The following NEGR1 variants were observed in gnomAD, a reference collection of about 807,000 sequenced individuals.
NEGR1 encodes the protein IgLON family member 4.
A neutral mutation model predicts 40.9 loss-of-function variants in NEGR1; 10 were observed. That is an observed-to-expected ratio of 0.24 (90% confidence interval 0.15 to 0.42). The LOEUF (loss-of-function observed/expected upper bound fraction) is 0.42, where lower values mean the gene tolerates loss of function less well. Among genes scored for constraint, NEGR1 ranks in the 10% least tolerant of loss-of-function variants. The pLI, the probability that NEGR1 is intolerant of heterozygous loss-of-function variation, is 1.00. For missense variants in NEGR1, 352 were observed against 438.9 expected, an observed-to-expected ratio of 0.80 and a Z score of 1.77; for synonymous variants, 185 against 166.8, an observed-to-expected ratio of 1.11 and a Z score of -0.84.
rs186925839 is a variant in NEGR1, at chr1:71,614,534, A to G, written c.668-3388T>C. Among the ~76,000 whole-genome samples, 3 of 152,292 alleles carry G rather than the reference A, an allele frequency of 2.0e-5. No homozygotes were observed. In the East Asian group the frequency reaches 5.8e-4, roughly 29 times the overall value. On this transcript the variant is annotated intron_variant, in intron 4 of 6. Coordinates refer to ENST00000357731, the MANE Select transcript of NEGR1 (RefSeq NM_173808.3). ...CAGGTACAGGTAAGATTGTATTTTC[A>G]CTATTGTTCTCATAGGCTTTAATCT...
chr1:71,662,072 G>A (rs1652075337), intron 4 of NEGR1, among the ~76,000 whole-genome samples: 1 of 152,196 alleles, frequency 6.6e-6, no homozygotes, highest in Non-Finnish European at 1.5e-5. Flanking sequence ...TTTATGGGAA[G>A]CAGTATCATC....
intron 5 of NEGR1, among the ~76,000 whole-genome samples, chr1:71,604,402 G>A (rs1239778887): frequency 6.6e-6 from 1 of 152,060 alleles, no homozygotes; most frequent in Admixed American, 6.6e-5. Context: ...AACTCATTTT[G>A]CTGGTTTCCT....
chr1:72,007,180 T>A (rs957049725), intron 1 of NEGR1, among the ~76,000 whole-genome samples: 3 of 152,132 alleles, frequency 2.0e-5, no homozygotes, highest in Non-Finnish European at 4.4e-5. Flanking sequence ...GAAGCAAACA[T>A]GCTAAGCATT....
chr1:71,630,362 T>G (rs1168084466), intron 4 of NEGR1, among the ~76,000 whole-genome samples: 1 of 151,964 alleles, frequency 6.6e-6, no homozygotes, highest in Non-Finnish European at 1.5e-5. Flanking sequence ...GCTTCTGTTA[T>G]CATTTTGGTA....
In NEGR1 at chr1:71,747,717, G is replaced by A. The variant is rs919695442; in HGVS notation, c.535+28455C>T. Among the ~76,000 whole-genome samples, 14 of 152,148 alleles carry A rather than the reference G, an allele frequency of 9.2e-5. No homozygotes were observed. In the South Asian group the frequency reaches 1.0e-3, roughly 11 times the overall value. On this transcript the variant is annotated intron_variant, in intron 3 of 6. Transcript: ENST00000357731. ...TAGGACTATAGGCATGAGCCACTGC[G>A]CCCAGTCCGTTTTCATATAATAATA...
chr1:72,142,839 A>G (rs1266016230), intron 1 of NEGR1, among the ~76,000 whole-genome samples: 3 of 151,884 alleles, frequency 2.0e-5, no homozygotes, highest in Admixed American at 6.6e-5. Context: ...CTAGAAAGAA[A>G]GACAGGACTC....
chr1:71,467,295 T>C (rs1023460933), intron 6 of NEGR1, among the ~76,000 whole-genome samples: 1 of 152,056 alleles, frequency 6.6e-6, no homozygotes, highest in Admixed American at 6.6e-5. Flanking sequence ...CTGAAGTCTA[T>C]TCATTTGCTA....
chr1:71,987,511 C>T (rs1646405843), intron 1 of NEGR1, among the ~76,000 whole-genome samples: 1 of 152,166 alleles, frequency 6.6e-6, no homozygotes, highest in Admixed American at 6.6e-5. Context: ...AAGAAAGGGG[C>T]AGAAACAGAA....
At chr1:71,742,204 A>G (rs1484613961) in intron 3 of NEGR1, among the ~76,000 whole-genome samples, 1 of 152,200 alleles carries the variant, frequency 6.6e-6, no homozygotes, top group Non-Finnish European at 1.5e-5. Context: ...GAAGACCTGC[A>G]CCAGGAACCA....
intron 2 of NEGR1, among the ~76,000 whole-genome samples, chr1:71,878,722 G>A (rs1315942516): frequency 6.6e-6 from 1 of 152,038 alleles, no homozygotes; most frequent in Non-Finnish European, 1.5e-5. Context: ...AAGTCAACAA[G>A]TATTTAAAAT....
chr1:71,909,929 T>C (rs6700176), intron 2 of NEGR1, among the ~76,000 whole-genome samples: 33,610 of 152,128 alleles, frequency 0.22, 4,432 homozygotes, highest in East Asian at 0.5. Flanking sequence ...ATAAATAGTA[T>C]AGAGATTTAC....
chr1:72,070,144 T>C (rs779385823), intron 1 of NEGR1, among the ~76,000 whole-genome samples: 5 of 152,100 alleles, frequency 3.3e-5, no homozygotes, highest in Non-Finnish European at 5.9e-5. Context: ...TAAAATATTA[T>C]ATCACTGAAT....
intron 1 of NEGR1, among the ~76,000 whole-genome samples, chr1:71,988,646 G>A (rs1387901817): frequency 2.0e-5 from 3 of 149,488 alleles, no homozygotes; most frequent in Non-Finnish European, 4.5e-5. Context: ...AGGAAGGAGG[G>A]AAAAAAACTG....
chr1:71,741,635 T>C (rs1655216731), intron 3 of NEGR1, among the ~76,000 whole-genome samples: 1 of 152,184 alleles, frequency 6.6e-6, no homozygotes, highest in African/African-American at 2.4e-5. Context: ...GTAAGGCCTT[T>C]GAGAAGTACA....
chr1:71,734,870 G>A (rs1035188542), intron 3 of NEGR1, among the ~76,000 whole-genome samples: 5 of 151,832 alleles, frequency 3.3e-5, no homozygotes, highest in Non-Finnish European at 7.4e-5. Flanking sequence ...GTCCTCTTCA[G>A]TTCTCTTGTC....
At chr1:71,961,999 A>G (rs1043429164) in intron 1 of NEGR1, among the ~76,000 whole-genome samples, 1 of 152,134 alleles carries the variant, frequency 6.6e-6, no homozygotes, top group African/African-American at 2.4e-5. Flanking sequence ...TAAGAGTGGT[A>G]TTTGTATTAT....
intron 4 of NEGR1, among the ~76,000 whole-genome samples, chr1:71,670,236 CT>C (rs1403932555): frequency 1.3e-5 from 2 of 151,918 alleles, no homozygotes; most frequent in Non-Finnish European, 2.9e-5. Flanking sequence ...CTAGTTTGTG[CT>C]TTTTTAAGCA....
chr1:72,154,792 A>G (rs975762916), intron 1 of NEGR1, among the ~76,000 whole-genome samples: 2 of 152,024 alleles, frequency 1.3e-5, no homozygotes, highest in Admixed American at 6.6e-5. Flanking sequence ...CTAAATGTCT[A>G]CAGGTCACTG....
rs540764272 is a variant in NEGR1, at chr1:71,953,271, C to T, written c.177-17960G>A. On this transcript the variant is annotated intron_variant, in intron 1 of 6. Coordinates refer to ENST00000357731, the MANE Select transcript of NEGR1 (RefSeq NM_173808.3). ...CATTCCAGATATCATTGAGAATATT[C>T]GTAATTCATGAGAAGAGGTCAAAAT... Among the ~76,000 whole-genome samples the T allele has an allele frequency of 7.2e-5, 11 of 151,942 alleles. No homozygotes were observed. The South Asian group carries it at 1.2e-3, about 17-fold the overall frequency.
Sources: allele counts gnomAD v4.1 joint callset (sites outside exome capture counted in the v4.1 genomes callset), GRCh38; gene constraint gnomAD v4.1.1; transcripts MANE v1.5; gene names NCBI Gene and HGNC (gene_info 2026-07-23, HGNC 2026-07-21).